CHSY3: variants seen among roughly 807,000 people sequenced by gnomAD.
CHSY3 encodes chondroitin sulfate synthase 3.
In CHSY3, 35 loss-of-function variants were observed where a neutral mutation model predicts 67.2. The ratio of observed to expected loss-of-function variants is 0.52; its 90% confidence interval spans 0.40 to 0.69. The LOEUF (loss-of-function observed/expected upper bound fraction) is 0.69. Among genes scored for constraint, CHSY3 ranks in the 30% least tolerant of loss-of-function variants. CHSY3 has a pLI of 0.00. For synonymous variants in CHSY3, 474 were observed against 434.7 expected (o/e 1.09, Z -1.12); for missense variants, 1,069 against 1,138.5 (o/e 0.94, Z 0.88).
chr5:130,011,209 G>T (rs1764049103), intron 2 of CHSY3, among the ~76,000 whole-genome samples: 1 of 152,160 alleles, frequency 6.6e-6, no homozygotes, highest in Admixed American at 6.5e-5. Context: ...GATGGGCCTA[G>T]ATGCAGAAGT....
chr5:130,098,201 C>A (rs1767114865), intron 2 of CHSY3, among the ~76,000 whole-genome samples: 1 of 152,050 alleles, frequency 6.6e-6, no homozygotes, highest in Admixed American at 6.5e-5. Flanking sequence ...ATAGCCTTAC[C>A]CTCTTCCCTC....
At chr5:130,035,717 A>G (rs1764842469) in intron 2 of CHSY3, among the ~76,000 whole-genome samples, 1 of 152,110 alleles carries the variant, frequency 6.6e-6, no homozygotes, top group Admixed American at 6.6e-5. Flanking sequence ...CACTTTGAAA[A>G]TGAAAGCTTC....
At chr5:130,094,111 T>C (rs1351951041) in intron 2 of CHSY3, among the ~76,000 whole-genome samples, 1 of 152,166 alleles carries the variant, frequency 6.6e-6, no homozygotes, top group East Asian at 1.9e-4. Flanking sequence ...CTTCTAGTAA[T>C]CTTTGACAAG....
intron 2 of CHSY3, among the ~76,000 whole-genome samples, chr5:130,048,803 G>A (rs968894956): frequency 2.6e-5 from 4 of 152,038 alleles, no homozygotes; most frequent in Non-Finnish European, 4.4e-5. Context: ...AAAGCAGAGG[G>A]TAGAATGGTG....
chr5:130,062,998 G>A (rs1037006997), intron 2 of CHSY3, among the ~76,000 whole-genome samples: 1 of 151,946 alleles, frequency 6.6e-6, no homozygotes, highest in Non-Finnish European at 1.5e-5. Flanking sequence ...GTTGAGTGTG[G>A]CTTCTTTTAG....
intron 2 of CHSY3, among the ~76,000 whole-genome samples, chr5:129,974,232 G>T (rs533940605): frequency 8.5e-5 from 13 of 152,114 alleles, no homozygotes; most frequent in African/African-American, 2.9e-4. Context: ...TTCCTGCTTG[G>T]TCCTCCTGGT....
intron 2 of CHSY3, among the ~76,000 whole-genome samples, chr5:130,176,001 G>A (rs2149734906): frequency 6.6e-6 from 1 of 152,224 alleles, no homozygotes; most frequent in Non-Finnish European, 1.5e-5. Context: ...ATTGACAAAT[G>A]GGATCTAATT....
At chr5:130,025,556 A>G (rs1172354370) in intron 2 of CHSY3, among the ~76,000 whole-genome samples, 1 of 152,060 alleles carries the variant, frequency 6.6e-6, no homozygotes, top group Admixed American at 6.6e-5. Context: ...AAACTACCAT[A>G]AACTAGGTGG....
At chr5:129,939,687 A>G (rs182972865) in intron 2 of CHSY3, among the ~76,000 whole-genome samples, 3 of 152,328 alleles carry the variant, frequency 2.0e-5, no homozygotes, top group Non-Finnish European at 2.9e-5. Context: ...GTGAGTCTGA[A>G]TTTACATTTG....
chr5:130,164,921 A>G (rs1362528809), intron 2 of CHSY3, among the ~76,000 whole-genome samples: 1 of 152,150 alleles, frequency 6.6e-6, no homozygotes, highest in East Asian at 1.9e-4. Context: ...TAGGAAAAGA[A>G]ATGGTATTGA....
upstream of CHSY3, among the ~76,000 whole-genome samples, chr5:129,904,283 C>CG (rs1211676128): frequency 8.3e-6 from 1 of 120,728 alleles, no homozygotes; most frequent in South Asian, 2.5e-4. Flanking sequence ...GAGGCGCGGA[C>CG]GGGGGGCGTC....
intron 2 of CHSY3, among the ~76,000 whole-genome samples, chr5:129,968,434 CAT>C (rs1344711445): frequency 1.3e-5 from 2 of 151,792 alleles, no homozygotes; most frequent in Admixed American, 6.6e-5. Flanking sequence ...ATTCAGCAAA[CAT>C]ATATTGAATA....
At chr5:129,994,054 G>A (rs1339321558) in intron 2 of CHSY3, among the ~76,000 whole-genome samples, 1 of 152,126 alleles carries the variant, frequency 6.6e-6, no homozygotes, top group East Asian at 1.9e-4. Flanking sequence ...CTGTCTTCTG[G>A]CTTATAGAGT....
chr5:130,164,129 G>T (rs1298660528), intron 2 of CHSY3, among the ~76,000 whole-genome samples: 8 of 152,128 alleles, frequency 5.3e-5, no homozygotes, highest in African/African-American at 1.9e-4. Context: ...TGTCCTTCTG[G>T]TTTTTCCTGG....
intron 2 of CHSY3, among the ~76,000 whole-genome samples, chr5:130,121,707 C>CA (rs2149709067): frequency 6.6e-6 from 1 of 152,182 alleles, no homozygotes; most frequent in Admixed American, 6.5e-5. Flanking sequence ...CCTTAAAAAA[C>CA]AAAAACAAAA....
At position 130,012,840 on chromosome 5, in the gene CHSY3, A is replaced by G. The variant is rs921405008; in HGVS notation, c.1086+104480A>G. ...CCTCACGTTTCAAAACACCCAAGTC[A>G]TGCCTTCCCAAAAGTCCCCCAAAAA... is the stretch of plus-strand genomic sequence containing the variant. On this transcript the variant is annotated intron_variant, in intron 2 of 2. Coordinates refer to ENST00000305031, the MANE Select transcript of CHSY3 (RefSeq NM_175856.5). 2.6e-5 allele frequency among the ~76,000 whole-genome samples: 4 copies of G among 152,200 alleles called. 1 individual carries two copies. The highest frequency in any genetic ancestry group is 5.9e-5 in the Non-Finnish European group (4 of 68,002).
chr5:130,107,821 C>T lies in CHSY3; in HGVS notation c.1087-76408C>T, dbSNP rs546023335. ...GCAAGCTCTATCCTCTCCACCCTGC[C>T]CCACAATCACTCAAATCAGTTGGCT... is the stretch of plus-strand genomic sequence containing the variant. On this transcript the variant is annotated intron_variant, in intron 2 of 2. Transcript: ENST00000305031. Among the ~76,000 whole-genome samples the T allele has an allele frequency of 2.0e-5, 3 of 151,548 alleles. No homozygotes were observed. The South Asian group carries it at 6.2e-4, about 31-fold the overall frequency.
intron 2 of CHSY3, among the ~76,000 whole-genome samples, chr5:129,980,936 G>A (rs1240765582): frequency 6.6e-6 from 1 of 151,990 alleles, no homozygotes; most frequent in Non-Finnish European, 1.5e-5. Flanking sequence ...GCCGGGCGCG[G>A]TGGCTCACAC....
chr5:130,020,457 ATATATTTTTTTTT>A (rs1764352259), intron 2 of CHSY3, among the ~76,000 whole-genome samples: 2 of 5,544 alleles, frequency 3.6e-4, no homozygotes, highest in Non-Finnish European at 5.7e-4. Flanking sequence ...ATATATATAT[ATATATTTTTTTTT>A]TTTTTTTTTC....
Sources: gnomAD v4.1 joint callset for allele counts (sites outside exome capture counted in the v4.1 genomes callset) on GRCh38, gnomAD v4.1.1 for gene constraint, MANE v1.5 for transcripts, NCBI Gene and HGNC (gene_info 2026-07-23, HGNC 2026-07-21) for gene names.